Variants in CFAP20DC observed in about 807,000 individuals in gnomAD.
CFAP20DC encodes the protein protein CFAP20DC.
Under a neutral mutation model 101.7 loss-of-function variants are expected in CFAP20DC, and 84 were observed. The ratio of observed to expected loss-of-function variants is 0.83; its 90% confidence interval spans 0.69 to 0.99. The LOEUF is 0.99. Ranked by LOEUF, CFAP20DC falls within the 50% of genes least tolerant of loss-of-function variation. The pLI, the probability that CFAP20DC is intolerant of heterozygous loss-of-function variation, is 0.00. For missense variants in CFAP20DC, 1,007 were observed against 970.3 expected, an observed-to-expected ratio of 1.04 and a Z score of -0.50; for synonymous variants, 359 against 351.2, an observed-to-expected ratio of 1.02 and a Z score of -0.25.
chr3:58,759,503 A>T lies in CFAP20DC; in HGVS notation c.2238-5640T>A, dbSNP rs531581537. On this transcript the variant is annotated intron_variant, in intron 15 of 16. Transcript: ENST00000482387. ...GTAGGTTGCCTGTTCACTCTGATGGAAGTTTCTTTTGCTGTGCAGAAGCTC... is the reference window on the plus strand; with the variant it reads ...GTAGGTTGCCTGTTCACTCTGATGGTAGTTTCTTTTGCTGTGCAGAAGCTC... Among the ~76,000 whole-genome samples the T allele has an allele frequency of 4.6e-4, 70 of 152,114 alleles. No homozygotes were observed. In the East Asian group the frequency reaches 0.011, roughly 24 times the overall value.
At chr3:58,955,119 G>A (rs543849141) in intron 4 of CFAP20DC, among the ~76,000 whole-genome samples, 6 of 151,958 alleles carry the variant, frequency 3.9e-5, no homozygotes, top group Admixed American at 3.9e-4. Context: ...TCCAACTGTA[G>A]AACAATCCCA....
At position 58,854,556 on chromosome 3, in the gene CFAP20DC, G is replaced by A. The variant is rs141048839; in HGVS notation, c.1594-5147C>T. 4.5e-3 allele frequency among the ~76,000 whole-genome samples: 683 copies of A among 152,256 alleles called. 5 individuals are homozygous for A. Among genetic ancestry groups the A allele is most frequent in the African/African-American group, 0.016 (645 of 41,554 alleles). Reference sequence around the variant, plus strand: ...AATCCTGAGCCAAAAGAACAAAGCTGGAGGCATCAGGCTACCTGAGTTCAA... The same window carrying A: ...AATCCTGAGCCAAAAGAACAAAGCTAGAGGCATCAGGCTACCTGAGTTCAA... On this transcript the variant is annotated intron_variant, in intron 12 of 16. Transcript: ENST00000482387.
At chr3:58,813,619 T>G (rs1250200782) in intron 14 of CFAP20DC, among the ~76,000 whole-genome samples, 1 of 151,828 alleles carries the variant, frequency 6.6e-6, no homozygotes, top group African/African-American at 2.4e-5. Context: ...AAAAGAAGTC[T>G]CAAAATATTA....
chr3:58,878,952 G>A (rs1043811702), intron 7 of CFAP20DC, among the ~76,000 whole-genome samples: 8 of 151,644 alleles, frequency 5.3e-5, no homozygotes, highest in African/African-American at 1.2e-4. Context: ...AGCTTGCAGC[G>A]AGCCAAGATT....
chr3:58,950,671 TATTTA>T (rs2089999872), intron 4 of CFAP20DC, among the ~76,000 whole-genome samples: 1 of 152,214 alleles, frequency 6.6e-6, no homozygotes, highest in Admixed American at 6.5e-5. Flanking sequence ...AACGATTCCC[TATTTA>T]ACAAATGGTG....
At chr3:58,803,924 A>T (rs1311553191) in intron 15 of CFAP20DC, among the ~76,000 whole-genome samples, 2 of 152,226 alleles carry the variant, frequency 1.3e-5, no homozygotes, top group Non-Finnish European at 2.9e-5. Context: ...CTATCTTGAC[A>T]GTATATCTTT....
chr3:59,048,123 ATTAT>A (rs889203189), intron 1 of CFAP20DC, among the ~76,000 whole-genome samples: 1 of 152,234 alleles, frequency 6.6e-6, no homozygotes, highest in African/African-American at 2.4e-5. Flanking sequence ...ATAAGCTTTA[ATTAT>A]TTAAGAAAGG....
intron 4 of CFAP20DC, among the ~76,000 whole-genome samples, chr3:59,016,138 A>G (rs1402293778): frequency 1.3e-5 from 2 of 152,280 alleles, no homozygotes; most frequent in African/African-American, 2.4e-5. Context: ...GTGTCCATCA[A>G]TGAATGAATG....
chr3:58,926,887 T>A (rs2086046126), intron 5 of CFAP20DC, among the ~76,000 whole-genome samples: 1 of 152,208 alleles, frequency 6.6e-6, no homozygotes, highest in Non-Finnish European at 1.5e-5. Flanking sequence ...TTATGCTGAA[T>A]GATATCTCAT....
intron 7 of CFAP20DC, 106 bp from the exon 8 acceptor site, chr3:58,870,415 C>T (rs2080065937): frequency 2.0e-6 from 2 of 1,025,396 alleles, no homozygotes; most frequent in East Asian, 4.8e-5. Context: ...GGATCCAAAT[C>T]CCCCCTCCCC....
chr3:58,967,768 CAT>C (rs1376994999), intron 4 of CFAP20DC, among the ~76,000 whole-genome samples: 25 of 152,188 alleles, frequency 1.6e-4, no homozygotes, highest in African/African-American at 6.0e-4. Flanking sequence ...TAGGTAAACT[CAT>C]GTCATGGGGG....
At chr3:58,883,763 T>G (rs771938751) in intron 7 of CFAP20DC, among the ~76,000 whole-genome samples, 2 of 152,122 alleles carry the variant, frequency 1.3e-5, no homozygotes, top group Non-Finnish European at 2.9e-5. Context: ...ACCAATTAAA[T>G]CAGAATCCCT....
chr3:59,016,122 A>C (rs955582980), intron 4 of CFAP20DC, among the ~76,000 whole-genome samples: 4 of 152,176 alleles, frequency 2.6e-5, no homozygotes, highest in African/African-American at 9.6e-5. Context: ...TATGGAATCA[A>C]CTTAAGTGTC....
At chr3:58,843,131 T>C (rs971520807) in intron 13 of CFAP20DC, among the ~76,000 whole-genome samples, 1 of 152,178 alleles carries the variant, frequency 6.6e-6, no homozygotes, top group African/African-American at 2.4e-5. Flanking sequence ...GGAACACAGT[T>C]CCTCACCAGC....
chr3:58,749,319 G>T (rs750623871), intron 16 of CFAP20DC, among the ~76,000 whole-genome samples: 1 of 152,168 alleles, frequency 6.6e-6, no homozygotes, highest in Non-Finnish European at 1.5e-5. Flanking sequence ...GGGCATGAAA[G>T]AATTCCTCTG....
intron 15 of CFAP20DC, among the ~76,000 whole-genome samples, chr3:58,778,206 T>C (rs1400493898): frequency 1.3e-5 from 2 of 152,150 alleles, no homozygotes; most frequent in African/African-American, 4.8e-5. Context: ...GCCAGTGGCC[T>C]GAGGATCACC....
chr3:58,913,565 A>G lies in CFAP20DC; in HGVS notation c.550+143T>C. ...AAAATAAACATTTGATCTAGAACAA[A>G]GAAATCAGCATGACTGTTGACAAAT... On this transcript the variant is annotated intron_variant, in intron 6 of 16. Transcript: ENST00000482387. The surrounding 1 kb of genome is among the most constrained non-coding windows in gnomAD (Gnocchi z 4.4). The G allele has an allele frequency of 1.3e-6, 1 of 769,622 alleles. No individual in the cohort carries two copies. Among genetic ancestry groups the G allele is most frequent in the East Asian group, 2.6e-5 (1 of 38,762 alleles). The allele number at this position is 769,622 out of a possible 1,614,324, so 47.7% of individuals were successfully genotyped here. A position where few individuals can be genotyped will look rare whatever the true frequency, so the allele number is the denominator to read the frequency against.
chr3:58,777,253 C>A (rs1283541779), intron 15 of CFAP20DC, among the ~76,000 whole-genome samples: 1 of 152,178 alleles, frequency 6.6e-6, no homozygotes, highest in Non-Finnish European at 1.5e-5. Context: ...GCCCCCTCCC[C>A]GCTTTGTGTT....
Position 58,913,605 on chromosome 3 carries a change from A to T in CFAP20DC, c.550+103T>A. 8.7e-7 allele frequency: 1 copy of T among 1,142,974 alleles called. No individual in the cohort carries two copies. The highest frequency in any genetic ancestry group is 2.4e-5 in the East Asian group (1 of 42,250). 70.8% of individuals were successfully genotyped at this position (1,142,974 alleles called of 1,614,324 possible). A position where few individuals can be genotyped will look rare whatever the true frequency, so the allele number is the denominator to read the frequency against. ...TGTTGACAAATTTACTTTAGCAGACATAACATCAAACTGCTACCACACACT... is the reference window on the plus strand; with the variant it reads ...TGTTGACAAATTTACTTTAGCAGACTTAACATCAAACTGCTACCACACACT... On this transcript the variant is annotated intron_variant, in intron 6 of 16. Transcript: ENST00000482387. This position sits in a 1 kb window ranked among gnomAD's most constrained non-coding sequence, Gnocchi z 4.4.
Sources: gnomAD v4.1 joint callset for allele counts (sites outside exome capture counted in the v4.1 genomes callset) on GRCh38, gnomAD v4.1.1 for gene constraint, Gnocchi (gnomAD v3.1) non-coding constraint, MANE v1.5 for transcripts, NCBI Gene and HGNC (gene_info 2026-07-23, HGNC 2026-07-21) for gene names.